Variants in OTUD7A observed in about 807,000 individuals in gnomAD.
The protein encoded by OTUD7A is OTU domain-containing protein 7A.
OTUD7A carries 12 observed loss-of-function variants against 65.7 expected under a neutral mutation model. The observed-to-expected ratio is 0.18, with a 90% CI of 0.12 to 0.30. The LOEUF (loss-of-function observed/expected upper bound fraction) is 0.30, where lower values mean the gene tolerates loss of function less well. OTUD7A is among the 10% of genes least tolerant of loss of function. The probability of loss-of-function intolerance (pLI) is 1.00; values close to 1 mark genes in which losing one functional copy is unlikely to be tolerated. For synonymous variants in OTUD7A, 641 were observed against 586.3 expected, an observed-to-expected ratio of 1.09 and a Z score of -1.35; for missense variants, 1,148 against 1,304.8, an observed-to-expected ratio of 0.88 and a Z score of 1.85.
chr15:31,502,008 G>A (rs1474365433), intron 9 of OTUD7A, among the ~76,000 whole-genome samples, 169 bp from the exon 10 acceptor site: 3 of 152,152 alleles, frequency 2.0e-5, no homozygotes, highest in Non-Finnish European at 4.4e-5. Flanking sequence ...GGTTTCCAGA[G>A]TCATCTGTCT....
intron 1 of OTUD7A, among the ~76,000 whole-genome samples, chr15:31,775,094 AC>A (rs1895341087): frequency 1.0e-5 from 1 of 97,080 alleles, no homozygotes; most frequent in Non-Finnish European, 2.2e-5. Flanking sequence ...GCATTTACAC[AC>A]ACACACACAC....
chr15:31,800,337 T>C (rs1420989085), intron 1 of OTUD7A, among the ~76,000 whole-genome samples: 1 of 152,166 alleles, frequency 6.6e-6, no homozygotes, highest in Non-Finnish European at 1.5e-5. Flanking sequence ...CAGCCAGATA[T>C]GTGCACCTTG....
intron 1 of OTUD7A, among the ~76,000 whole-genome samples, chr15:31,771,050 G>C (rs1373705613): frequency 6.6e-6 from 1 of 152,118 alleles, no homozygotes; most frequent in Admixed American, 6.5e-5. Flanking sequence ...CAGAGGCTCT[G>C]GCCAATGAAA....
chr15:31,528,036 G>A (rs576256277), intron 6 of OTUD7A, among the ~76,000 whole-genome samples: 1 of 152,330 alleles, frequency 6.6e-6, no homozygotes, highest in Admixed American at 6.5e-5. Context: ...CGTCCATCCA[G>A]CCATCCACCC....
At chr15:31,619,088 T>C (rs1189308009) in intron 3 of OTUD7A, among the ~76,000 whole-genome samples, 1 of 152,174 alleles carries the variant, frequency 6.6e-6, no homozygotes, top group Non-Finnish European at 1.5e-5. Context: ...TGGTTGTAGA[T>C]GTGTGGTATT....
chr15:31,532,506 A>G (rs1430327339), intron 5 of OTUD7A, among the ~76,000 whole-genome samples: 1 of 150,504 alleles, frequency 6.6e-6, no homozygotes, highest in African/African-American at 2.4e-5. Context: ...AAATCACCCA[A>G]TTTGAACAAC....
intron 1 of OTUD7A, among the ~76,000 whole-genome samples, chr15:31,689,790 C>G (rs934252661): frequency 6.6e-6 from 1 of 152,080 alleles, no homozygotes; most frequent in East Asian, 1.9e-4. Flanking sequence ...GGGCTCAGAG[C>G]CCCTAGAAGC....
intron 1 of OTUD7A, among the ~76,000 whole-genome samples, chr15:31,747,060 AT>A (rs1056225857): frequency 2.2e-4 from 34 of 152,036 alleles, no homozygotes; most frequent in South Asian, 2.1e-3. Flanking sequence ...TACTTGGTTG[AT>A]TTTTTTTCTT....
chr15:31,689,047 A>G (rs1892905433), intron 1 of OTUD7A, among the ~76,000 whole-genome samples: 1 of 149,458 alleles, frequency 6.7e-6, no homozygotes. Context: ...TCTTTTGCTT[A>G]TAATATTTAA....
chr15:31,766,932 T>G, intron 1 of OTUD7A: 1 of 1,611,536 alleles, frequency 6.2e-7, no homozygotes, highest in African/African-American at 1.3e-5. Context: ...AGCACCTTGG[T>G]TTGCTGTTAG....
At chr15:31,761,386 G>T (rs895234404) in intron 1 of OTUD7A, among the ~76,000 whole-genome samples, 2 of 151,974 alleles carry the variant, frequency 1.3e-5, no homozygotes, top group Non-Finnish European at 2.9e-5. Flanking sequence ...TTTCTCAAAA[G>T]AATACATAAA....
At chr15:31,772,846 AT>A in intron 1 of OTUD7A, among the ~76,000 whole-genome samples, 1 of 152,240 alleles carries the variant, frequency 6.6e-6, no homozygotes, top group East Asian at 1.9e-4. Flanking sequence ...TGTGGTTAAT[AT>A]GCACAACCAT....
intron 3 of OTUD7A, among the ~76,000 whole-genome samples, chr15:31,577,849 G>T (rs1158433395): frequency 2.0e-5 from 3 of 150,896 alleles, no homozygotes; most frequent in East Asian, 1.9e-4. Context: ...ACAGAAGCAG[G>T]TTTTGTTTTC....
Position 31,592,879 on chromosome 15 carries a change from C to CAA in OTUD7A, c.152-22684_152-22683dup, listed in dbSNP as rs1170532149. Reference sequence around the variant, plus strand: ...TGGGTGACAGAGCAAGGCTCTGTCTCAAAAAAAAAAAAAAAAAAAAAAAAA... The same window carrying CAA: ...TGGGTGACAGAGCAAGGCTCTGTCTCAAAAAAAAAAAAAAAAAAAAAAAAAAA... On this transcript the variant is annotated intron_variant, in intron 3 of 12. Coordinates refer to ENST00000307050, the MANE Select transcript of OTUD7A (RefSeq NM_001382637.1). Among the ~76,000 whole-genome samples, 55 of 8,530 alleles carry CAA rather than the reference C, an allele frequency of 6.4e-3. 12 individuals are homozygous for CAA. Among genetic ancestry groups the CAA allele is most frequent in the Admixed American group, 0.013 (4 of 320 alleles). The allele number at this position is 8,530 out of a possible 152,430, so 5.6% of individuals were successfully genotyped here. A position where few individuals can be genotyped will look rare whatever the true frequency, so the allele number is the denominator to read the frequency against.
intron 1 of OTUD7A, among the ~76,000 whole-genome samples, chr15:31,659,452 C>A (rs912674689): frequency 1.3e-5 from 2 of 152,230 alleles, no homozygotes; most frequent in African/African-American, 4.8e-5. Flanking sequence ...GAGGCACCTG[C>A]CACTGCTGCA....
At chr15:31,812,725 AGT>A (rs1386814109) in intron 1 of OTUD7A, among the ~76,000 whole-genome samples, 1 of 152,168 alleles carries the variant, frequency 6.6e-6, no homozygotes. Flanking sequence ...AGTCTCAAAT[AGT>A]GTCACCCTTC....
At chr15:31,858,229 A>G (rs1176303444) in intron 1 of OTUD7A, among the ~76,000 whole-genome samples, 1 of 152,194 alleles carries the variant, frequency 6.6e-6, no homozygotes, top group African/African-American at 2.4e-5. Context: ...AGGTAGCCAG[A>G]GGGCAAGGGT....
chr15:31,561,293 G>C (rs1888680618), intron 4 of OTUD7A, among the ~76,000 whole-genome samples: 1 of 152,220 alleles, frequency 6.6e-6, no homozygotes, highest in Admixed American at 6.5e-5. Context: ...AGCAGTGGAG[G>C]CTTGTGTCTT....
intron 3 of OTUD7A, among the ~76,000 whole-genome samples, chr15:31,646,384 G>C (rs1371439382): frequency 1.3e-5 from 2 of 151,996 alleles, no homozygotes; most frequent in African/African-American, 4.8e-5. Context: ...TTTCCAGAGA[G>C]GAAGTGTCTT....
Sources: gnomAD v4.1 joint callset for allele counts (sites outside exome capture counted in the v4.1 genomes callset) on GRCh38, gnomAD v4.1.1 for gene constraint, MANE v1.5 for transcripts, NCBI Gene and HGNC (gene_info 2026-07-23, HGNC 2026-07-21) for gene names.